ASCC3: variants seen among roughly 807,000 people sequenced by gnomAD.
ASCC3 encodes ASC-1 complex subunit P200.
Under a neutral mutation model 256.3 loss-of-function variants are expected in ASCC3, and 158 were observed. The observed-to-expected ratio is 0.62, with a 90% CI of 0.54 to 0.70. ASCC3 has a LOEUF of 0.70. Among genes scored for constraint, ASCC3 ranks in the 30% least tolerant of loss-of-function variants. The probability of loss-of-function intolerance (pLI) is 0.00; values close to 1 mark genes in which losing one functional copy is unlikely to be tolerated. For synonymous variants in ASCC3, 948 were observed against 883.4 expected (o/e 1.07, Z -1.30); for missense variants, 2,259 against 2,626.0 (o/e 0.86, Z 3.05).
chr6:100,839,937 T>C (rs1772057179), intron 4 of ASCC3, among the ~76,000 whole-genome samples: 1 of 152,188 alleles, frequency 6.6e-6, no homozygotes, highest in Non-Finnish European at 1.5e-5. Context: ...ATACAGATTA[T>C]AAAACTTCAA....
At position 100,590,107 on chromosome 6, in the gene ASCC3, C is replaced by T. The variant is rs190316934; in HGVS notation, c.5304-48G>A. 3.0e-4 allele frequency: 387 copies of T among 1,273,426 alleles called. No homozygotes were observed. In the African/African-American group the frequency reaches 4.7e-3, roughly 15 times the overall value. 78.9% of individuals were successfully genotyped at this position (1,273,426 alleles called of 1,614,324 possible). ...ATTATTTGTTTCAAGACATTTTCTA[C>T]TAAAACTATCACCTCAGTTTCACAG... On this transcript the variant is annotated intron_variant, in intron 34 of 41. Transcript: ENST00000369162.
rs1354049418 is a variant in ASCC3 at position 100,558,442 on chromosome 6, C to A, written c.5551-18055G>T. 5.9e-5 allele frequency among the ~76,000 whole-genome samples: 9 copies of A among 152,112 alleles called. No homozygotes were observed. The East Asian group carries it at 1.7e-3, about 29-fold the overall frequency. On this transcript the variant is annotated intron_variant, in intron 36 of 41. Transcript: ENST00000369162. ...GGATTGATTCAATAAGTGATTTGTT[C>A]TTTTGAAACAATGTTCTTTATGATG...
intron 39 of ASCC3, among the ~76,000 whole-genome samples, chr6:100,513,953 A>T (rs1279905617): frequency 6.6e-6 from 1 of 151,596 alleles, no homozygotes; most frequent in Non-Finnish European, 1.5e-5. Context: ...GTTAGTTTTT[A>T]AAAGTACATG....
At chr6:100,853,485 G>A (rs1322200066) in intron 3 of ASCC3, among the ~76,000 whole-genome samples, 1 of 141,414 alleles carries the variant, frequency 7.1e-6, no homozygotes, top group Non-Finnish European at 1.5e-5. Context: ...GCAGTTTTGA[G>A]ACGGAGTCTT....
chr6:100,721,521 A>T (rs2115031182), intron 11 of ASCC3, among the ~76,000 whole-genome samples: 1 of 151,846 alleles, frequency 6.6e-6, no homozygotes, highest in African/African-American at 2.4e-5. Flanking sequence ...ATGGACCTAG[A>T]GAATAGAGAT....
At chr6:100,570,093 G>A (rs930949524) in intron 36 of ASCC3, among the ~76,000 whole-genome samples, 4 of 152,060 alleles carry the variant, frequency 2.6e-5, no homozygotes, top group African/African-American at 9.7e-5. Context: ...GAACATTATT[G>A]GTGTAGAGAA....
At chr6:100,609,307 C>T (rs562645141) in intron 30 of ASCC3, among the ~76,000 whole-genome samples, 21 of 151,722 alleles carry the variant, frequency 1.4e-4, no homozygotes, top group Non-Finnish European at 2.7e-4. Flanking sequence ...GTTTAGTTTT[C>T]CTAAATAATT....
At chr6:100,585,715 C>G (rs1027465201) in intron 36 of ASCC3, among the ~76,000 whole-genome samples, 1 of 152,088 alleles carries the variant, frequency 6.6e-6, no homozygotes. Context: ...GTGGTTTTAT[C>G]TACTTTTGGT....
intron 36 of ASCC3, among the ~76,000 whole-genome samples, chr6:100,561,202 T>G (rs1428001826): frequency 2.0e-5 from 3 of 152,104 alleles, no homozygotes; most frequent in African/African-American, 7.2e-5. Flanking sequence ...AGCTCCATAT[T>G]AATAAGCTCT....
At chr6:100,683,062 G>T (rs1373141375) in intron 13 of ASCC3, among the ~76,000 whole-genome samples, 1 of 152,070 alleles carries the variant, frequency 6.6e-6, no homozygotes, top group African/African-American at 2.4e-5. Context: ...GCTGAAAGAG[G>T]ATTAAAAGGT....
chr6:100,675,199 T>C (rs1423229270), intron 14 of ASCC3, among the ~76,000 whole-genome samples: 5 of 151,936 alleles, frequency 3.3e-5, no homozygotes, highest in African/African-American at 9.7e-5. Context: ...ACATCCTATG[T>C]GGTGGTAACT....
chr6:100,608,234 T>TTATACTTTATATATATACTTTATA (rs1362726362), intron 30 of ASCC3, among the ~76,000 whole-genome samples: 7 of 32,094 alleles, frequency 2.2e-4, no homozygotes, highest in Admixed American at 1.1e-3. Context: ...TTTATATACT[T>TTATACTTTATATATATACTTTATA]TATACTTTAT....
intron 25 of ASCC3, among the ~76,000 whole-genome samples, chr6:100,637,688 T>A (rs541979478): frequency 8.6e-5 from 13 of 152,032 alleles, no homozygotes; most frequent in Non-Finnish European, 1.8e-4. Context: ...TAACAGGAGT[T>A]AGGAAGAAGT....
At chr6:100,516,761 G>T (rs1774047881) in intron 38 of ASCC3, among the ~76,000 whole-genome samples, 1 of 152,064 alleles carries the variant, frequency 6.6e-6, no homozygotes, top group African/African-American at 2.4e-5. Context: ...GAGAATTTTT[G>T]AGATTTACAG....
chr6:100,628,124 A>T (rs1774342102), intron 27 of ASCC3, 137 bp from the exon 28 acceptor site: 1 of 957,974 alleles, frequency 1.0e-6, no homozygotes. Context: ...CTAAAGCTAG[A>T]ACTACCAAAG....
At chr6:100,796,048 T>C (rs1769595276) in intron 8 of ASCC3, among the ~76,000 whole-genome samples, 1 of 152,158 alleles carries the variant, frequency 6.6e-6, no homozygotes, top group East Asian at 1.9e-4. Flanking sequence ...CTTAAATGTA[T>C]TATTCCCCAG....
intron 4 of ASCC3, among the ~76,000 whole-genome samples, chr6:100,807,375 T>C (rs765499402): frequency 1.4e-5 from 2 of 144,264 alleles, no homozygotes; most frequent in African/African-American, 2.6e-5. Context: ...AGGATGCTGG[T>C]AGACAAGACA....
chr6:100,875,776 T>C (rs1370973187), intron 1 of ASCC3, among the ~76,000 whole-genome samples: 1 of 152,146 alleles, frequency 6.6e-6, no homozygotes, highest in African/African-American at 2.4e-5. Context: ...CGGTCCTAGA[T>C]GACTAGCACA....
intron 4 of ASCC3, among the ~76,000 whole-genome samples, chr6:100,835,621 T>C (rs1470761137): frequency 6.6e-6 from 1 of 152,186 alleles, no homozygotes; most frequent in Non-Finnish European, 1.5e-5. Flanking sequence ...TTCTGTTCTA[T>C]TGGTCTCTGT....
Sources: gnomAD v4.1 joint callset for allele counts (sites outside exome capture counted in the v4.1 genomes callset) on GRCh38, gnomAD v4.1.1 for gene constraint, MANE v1.5 for transcripts, NCBI Gene and HGNC (gene_info 2026-07-23, HGNC 2026-07-21) for gene names.